Variants in SCFD2 observed in about 807,000 individuals in gnomAD.
SCFD2 encodes sec1 family domain containing 2.
SCFD2 carries 54 observed loss-of-function variants against 58.9 expected under a neutral mutation model. The observed-to-expected ratio is 0.92, with a 90% CI of 0.74 to 1.15. The LOEUF (loss-of-function observed/expected upper bound fraction) is 1.15, where lower values mean the gene tolerates loss of function less well. Among genes scored for constraint, SCFD2 ranks in the 50% most tolerant of loss-of-function variants. The pLI is 0.00. For synonymous variants in SCFD2, 321 were observed against 335.9 expected, an observed-to-expected ratio of 0.96 and a Z score of 0.49; for missense variants, 805 against 836.6, an observed-to-expected ratio of 0.96 and a Z score of 0.47.
chr4:53,048,916 C>T (rs1189258259), intron 5 of SCFD2, among the ~76,000 whole-genome samples: 1 of 152,114 alleles, frequency 6.6e-6, no homozygotes. Flanking sequence ...CACTACACTC[C>T]AGCCTGGGTG....
intron 5 of SCFD2, among the ~76,000 whole-genome samples, chr4:52,987,339 A>T (rs772035570): frequency 6.6e-6 from 1 of 152,210 alleles, no homozygotes; most frequent in South Asian, 2.1e-4. Context: ...AAAATAAATG[A>T]CCTATGTGTC....
In SCFD2 at chr4:52,991,860, G is replaced by A. The variant is rs537075330; in HGVS notation, c.1562-70990C>T. 2.1e-4 allele frequency among the ~76,000 whole-genome samples: 32 copies of A among 152,218 alleles called. No individual in the cohort carries two copies. In the East Asian group the frequency reaches 5.2e-3, roughly 25 times the overall value. On this transcript the variant is annotated intron_variant, in intron 5 of 8. Transcript: ENST00000401642. ...TATCTGCCAGTATCTGTCCCAAAGT[G>A]ATCTTGAATCCTTTTGGAATGAGGT...
chr4:53,159,570 T>C (rs1440560417), intron 4 of SCFD2, among the ~76,000 whole-genome samples: 4 of 152,160 alleles, frequency 2.6e-5, no homozygotes, highest in Non-Finnish European at 5.9e-5. Flanking sequence ...GCAGGGAAAC[T>C]TTAGACATCA....
intron 5 of SCFD2, among the ~76,000 whole-genome samples, chr4:52,923,603 G>A (rs999318659): frequency 2.0e-5 from 3 of 152,160 alleles, no homozygotes; most frequent in East Asian, 1.9e-4. Context: ...GGATTGGGGG[G>A]TAGGGGAAGA....
At chr4:52,907,968 A>AGAACAAT (rs1480374577) in intron 6 of SCFD2, among the ~76,000 whole-genome samples, 1 of 152,216 alleles carries the variant, frequency 6.6e-6, no homozygotes, top group Admixed American at 6.5e-5. Context: ...GATGGTCTCC[A>AGAACAAT]GTTTTTCCTG....
rs1360959046 is a variant in SCFD2 at position 52,873,414 on chromosome 4, TA to T, written c.*554del. On this transcript the variant is annotated 3_prime_UTR_variant, in exon 9 of 9. Transcript: ENST00000401642. Reference sequence around the variant, plus strand: ...AGGATGATTTACAACACATGCAGGCTACCAGCACTGCCCCAGACACTACCCC... The same window carrying T: ...AGGATGATTTACAACACATGCAGGCTCCAGCACTGCCCCAGACACTACCCC... 1 of 153,024 alleles carries T rather than the reference TA, an allele frequency of 6.5e-6. No individual in the cohort carries two copies. Among genetic ancestry groups the T allele is most frequent in the African/African-American group, 2.4e-5 (1 of 41,484 alleles). The allele number at this position is 153,024 out of a possible 1,614,324, so 9.5% of individuals were successfully genotyped here. A position where few individuals can be genotyped will look rare whatever the true frequency, so the allele number is the denominator to read the frequency against.
At chr4:52,977,193 A>G (rs1341044410) in intron 5 of SCFD2, among the ~76,000 whole-genome samples, 1 of 152,200 alleles carries the variant, frequency 6.6e-6, no homozygotes, top group African/African-American at 2.4e-5. Context: ...AAGAAGTTGT[A>G]CATAACTGAT....
At chr4:53,345,607 G>A (rs1374564578) in intron 2 of SCFD2, among the ~76,000 whole-genome samples, 4 of 151,812 alleles carry the variant, frequency 2.6e-5, no homozygotes, top group South Asian at 2.1e-4. Flanking sequence ...GTATATACCC[G>A]AAGGATTATA....
intron 3 of SCFD2, among the ~76,000 whole-genome samples, chr4:53,306,333 G>T (rs1050518768): frequency 2.0e-5 from 3 of 152,090 alleles, no homozygotes; most frequent in Admixed American, 2.0e-4. Flanking sequence ...GTAACAGAAG[G>T]CATAAAACAA....
chr4:52,904,173 G>A (rs139436413), intron 7 of SCFD2, among the ~76,000 whole-genome samples: 84 of 152,260 alleles, frequency 5.5e-4, no homozygotes, highest in African/African-American at 1.9e-3. Context: ...ACATCATCAC[G>A]AAACCATCTA....
intron 3 of SCFD2, among the ~76,000 whole-genome samples, chr4:53,282,980 G>A (rs1731552111): frequency 6.6e-6 from 1 of 152,190 alleles, no homozygotes; most frequent in Non-Finnish European, 1.5e-5. Context: ...ACCTGCCCAT[G>A]AGCAACTCCA....
chr4:53,252,258 T>G (rs1208533857), intron 4 of SCFD2, among the ~76,000 whole-genome samples: 11 of 145,504 alleles, frequency 7.6e-5, no homozygotes, highest in Non-Finnish European at 1.1e-4. Context: ...TGGAAGAACA[T>G]TCCATGCTCA....
intron 3 of SCFD2, among the ~76,000 whole-genome samples, chr4:53,276,528 A>G (rs13130986): frequency 0.25 from 38,219 of 151,816 alleles, 5,264 homozygotes; most frequent in Non-Finnish European, 0.32. Flanking sequence ...AACTCGTGTC[A>G]TGGGGATTTG....
intron 5 of SCFD2, among the ~76,000 whole-genome samples, chr4:53,109,023 C>T (rs999894306): frequency 1.1e-4 from 16 of 152,178 alleles, no homozygotes; most frequent in Non-Finnish European, 2.2e-4. Context: ...CTACCATGAT[C>T]AAGTCAGCTT....
chr4:53,258,116 C>T (rs558003019), intron 4 of SCFD2, among the ~76,000 whole-genome samples: 9 of 152,300 alleles, frequency 5.9e-5, no homozygotes, highest in Non-Finnish European at 1.0e-4. Context: ...CCATATCCAG[C>T]CCATCTTCCT....
At chr4:53,188,648 A>G (rs1727807613) in intron 4 of SCFD2, among the ~76,000 whole-genome samples, 1 of 152,176 alleles carries the variant, frequency 6.6e-6, no homozygotes, top group South Asian at 2.1e-4. Context: ...TTCCCAAAGT[A>G]AACAGTAGTG....
intron 5 of SCFD2, among the ~76,000 whole-genome samples, chr4:52,973,035 T>C (rs1721149038): frequency 6.6e-6 from 1 of 152,214 alleles, no homozygotes; most frequent in East Asian, 1.9e-4. Context: ...GAGGGAAATT[T>C]ATAGCACTAA....
Position 53,061,791 on chromosome 4 carries a change from A to G in SCFD2, c.1561+83542T>C, listed in dbSNP as rs376819532. On this transcript the variant is annotated intron_variant, in intron 5 of 8. Transcript: ENST00000401642. ...GTCACAAGAAATTCTCATAACGGCA[A>G]TATGTCCCCCTATTTCCATTATGCA... 5.1e-4 allele frequency among the ~76,000 whole-genome samples: 78 copies of G among 152,254 alleles called. No individual in the cohort carries two copies. The South Asian group carries it at 0.016, about 30-fold the overall frequency.
intron 8 of SCFD2, among the ~76,000 whole-genome samples, chr4:52,884,921 G>A (rs922353682): frequency 2.0e-5 from 3 of 152,152 alleles, no homozygotes; most frequent in Admixed American, 6.5e-5. Flanking sequence ...ATATTCTCAA[G>A]CCTCTTCTGA....
Sources: gnomAD v4.1 joint callset for allele counts (sites outside exome capture counted in the v4.1 genomes callset) on GRCh38, gnomAD v4.1.1 for gene constraint, MANE v1.5 for transcripts, NCBI Gene and HGNC (gene_info 2026-07-23, HGNC 2026-07-21) for gene names.